The following DAB1 variants were observed in gnomAD, a reference collection of about 807,000 sequenced individuals.
The protein encoded by DAB1 is disabled homolog 1.
Under a neutral mutation model 64.6 loss-of-function variants are expected in DAB1, and 15 were observed. The observed-to-expected ratio is 0.23, with a 90% CI of 0.16 to 0.36. DAB1 has a LOEUF of 0.36. Ranked by LOEUF, DAB1 falls within the 10% of genes least tolerant of loss-of-function variation. The pLI, the probability that DAB1 is intolerant of heterozygous loss-of-function variation, is 1.00. For missense variants in DAB1, 596 were observed against 706.7 expected (o/e 0.84, Z 1.78); for synonymous variants, 235 against 251.9 (o/e 0.93, Z 0.64).
intron 7 of DAB1, among the ~76,000 whole-genome samples, chr1:57,594,127 A>T (rs1645478583): frequency 6.6e-6 from 1 of 152,224 alleles, no homozygotes; most frequent in Admixed American, 6.5e-5. Flanking sequence ...CCTCTGAAAG[A>T]GACTGACTTC....
intron 1 of DAB1, among the ~76,000 whole-genome samples, chr1:57,366,531 C>T (rs575660220): frequency 4.6e-5 from 7 of 152,202 alleles, no homozygotes; most frequent in Non-Finnish European, 1.0e-4. Flanking sequence ...AGGATTCCAT[C>T]CCATTTTCTA....
chr1:58,530,123 C>T (rs1294571808), intron 1 of DAB1, among the ~76,000 whole-genome samples: 1 of 152,166 alleles, frequency 6.6e-6, no homozygotes, highest in East Asian at 1.9e-4. Context: ...CTTCGTGATC[C>T]ACCCACCTTG....
At chr1:58,299,236 T>C (rs765822368) in intron 4 of DAB1, among the ~76,000 whole-genome samples, 18 of 152,168 alleles carry the variant, frequency 1.2e-4, no homozygotes, top group Non-Finnish European at 2.4e-4. Context: ...TTATCCAAAA[T>C]TACCTGCCTA....
At chr1:57,079,671 C>T (rs1362506885) in intron 4 of DAB1, among the ~76,000 whole-genome samples, 1 of 152,174 alleles carries the variant, frequency 6.6e-6, no homozygotes, top group Non-Finnish European at 1.5e-5. Flanking sequence ...CACTACAGGC[C>T]CCCTTGTTCC....
At chr1:57,785,908 C>T (rs1044174215) in intron 6 of DAB1, among the ~76,000 whole-genome samples, 2 of 152,092 alleles carry the variant, frequency 1.3e-5, no homozygotes, top group African/African-American at 2.4e-5. Flanking sequence ...AACAGCATCA[C>T]ATGTATAGAA....
At chr1:58,255,571 A>T (rs958452001) in intron 4 of DAB1, among the ~76,000 whole-genome samples, 1 of 152,152 alleles carries the variant, frequency 6.6e-6, no homozygotes, top group Non-Finnish European at 1.5e-5. Flanking sequence ...CCAGTCTCAA[A>T]CATATGGAAA....
chr1:57,401,652 C>G (rs1174027312), intron 1 of DAB1, among the ~76,000 whole-genome samples: 1 of 152,184 alleles, frequency 6.6e-6, no homozygotes, highest in Admixed American at 6.5e-5. Flanking sequence ...AGTGATCACC[C>G]ATCCAAACCC....
At chr1:57,971,313 C>T (rs1645791279) in intron 5 of DAB1, among the ~76,000 whole-genome samples, 1 of 152,196 alleles carries the variant, frequency 6.6e-6, no homozygotes, top group Admixed American at 6.5e-5. Context: ...GTGTCTTGAG[C>T]TGAAATGGGC....
chr1:57,949,565 CAA>C (rs1557572373), intron 5 of DAB1, among the ~76,000 whole-genome samples: 2 of 145,830 alleles, frequency 1.4e-5, no homozygotes, highest in African/African-American at 5.4e-5. Flanking sequence ...CACACACACA[CAA>C]TATATATATA....
intron 5 of DAB1, among the ~76,000 whole-genome samples, chr1:57,983,845 A>G (rs1373724218): frequency 6.6e-6 from 1 of 152,182 alleles, no homozygotes; most frequent in African/African-American, 2.4e-5. Context: ...TAGAGTGTCT[A>G]TCTACAGTGA....
At chr1:58,113,307 T>G (rs1287377278) in intron 5 of DAB1, among the ~76,000 whole-genome samples, 1 of 152,000 alleles carries the variant, frequency 6.6e-6, no homozygotes, top group Non-Finnish European at 1.5e-5. Context: ...GAGAGGGACA[T>G]GTTAAAGATG....
At chr1:57,638,365 TG>T (rs1436453203) in intron 7 of DAB1, among the ~76,000 whole-genome samples, 1 of 152,212 alleles carries the variant, frequency 6.6e-6, no homozygotes, top group African/African-American at 2.4e-5. Context: ...ATGAAGTACA[TG>T]TTTTCAGCAG....
In DAB1 at chr1:57,479,039, C is replaced by A. The variant is rs149727167; in HGVS notation, n.625+170553G>T. The stretch of plus-strand genomic sequence containing the variant: ...CATATAGTTGTTAATTCAGATTGTA[C>A]TTGTTATTTTAATCCTGTGATTAAC... On this transcript the variant is annotated intron_variant and non_coding_transcript_variant, in intron 7 of 20. Transcript: ENST00000485760. Among the ~76,000 whole-genome samples the A allele has an allele frequency of 3.1e-3, 474 of 152,064 alleles. 3 individuals carry two copies. The highest frequency in any genetic ancestry group is 0.011 in the African/African-American group (436 of 41,492).
intron 3 of DAB1, among the ~76,000 whole-genome samples, chr1:58,425,625 G>A (rs1425023689): frequency 6.6e-6 from 1 of 151,950 alleles, no homozygotes; most frequent in Non-Finnish European, 1.5e-5. Flanking sequence ...AAGGAGCCAG[G>A]GACAGAATCA....
At chr1:57,639,498 G>A (rs1004002887) in intron 7 of DAB1, among the ~76,000 whole-genome samples, 25 of 152,178 alleles carry the variant, frequency 1.6e-4, no homozygotes, top group South Asian at 1.2e-3. Flanking sequence ...CAGAGGAGTC[G>A]CCTTTTCATA....
chr1:58,531,682 A>C, intron 1 of DAB1, among the ~76,000 whole-genome samples: 1 of 150,872 alleles, frequency 6.6e-6, no homozygotes, highest in East Asian at 2.0e-4. Flanking sequence ...CTCAAAACAC[A>C]AATGTGTGTT....
At chr1:58,463,909 T>C (rs755077247) in intron 3 of DAB1, among the ~76,000 whole-genome samples, 39 of 152,188 alleles carry the variant, frequency 2.6e-4, no homozygotes, top group Non-Finnish European at 5.4e-4. Context: ...GTCTCCAAGA[T>C]TGTGGGTGAA....
At chr1:57,122,383 C>T (rs1013889922) in intron 4 of DAB1, among the ~76,000 whole-genome samples, 1 of 152,196 alleles carries the variant, frequency 6.6e-6, no homozygotes, top group Admixed American at 6.5e-5. Flanking sequence ...CTGATGGGAG[C>T]TCTGGTTTTT....
At chr1:57,474,465 G>A (rs1183322880) in intron 7 of DAB1, among the ~76,000 whole-genome samples, 1 of 152,174 alleles carries the variant, frequency 6.6e-6, no homozygotes, top group African/African-American at 2.4e-5. Context: ...ATAATTTGGT[G>A]AATATGGGTT....
Sources: gnomAD v4.1 joint callset for allele counts (sites outside exome capture counted in the v4.1 genomes callset) on GRCh38, gnomAD v4.1.1 for gene constraint, MANE v1.5 for transcripts, NCBI Gene and HGNC (gene_info 2026-07-23, HGNC 2026-07-21) for gene names.